The following ASB12 variants were observed in gnomAD, a reference collection of about 807,000 sequenced individuals.
ASB12 encodes ankyrin repeat and SOCS box protein 12.
Under a neutral mutation model 13.7 loss-of-function variants are expected in ASB12, and 17 were observed. That is an observed-to-expected ratio of 1.24 (90% CI 0.85 to 1.86). The LOEUF (loss-of-function observed/expected upper bound fraction) is 1.86. ASB12 is among the 40% of genes most tolerant of loss of function. The pLI is 0.00. For synonymous variants in ASB12, 107 were observed against 99.8 expected, an observed-to-expected ratio of 1.07 and a Z score of -0.43; for missense variants, 329 against 250.5, an observed-to-expected ratio of 1.31 and a Z score of -2.11.
In ASB12 at chrX:64,225,335, C is replaced by T. The variant is rs1209487235; in HGVS notation, c.316G>A (p.Ala106Thr). The change falls in exon 2 of 3, where the codon GCA (alanine) becomes ACA (threonine). Residue 106 changes from alanine (A) to threonine (T), a missense_variant. Coordinates refer to ENST00000362002, the MANE Select transcript of ASB12 (RefSeq NM_130388.4). ...ACAGCAGTGAAAAGTGGCGTCTGTG[C>T]CTTGACATCCAAGCTGTCAACATCA... ...GADVDSLDVK[A>T]QTPLFTAVSH... is the part of the protein sequence containing the mutation. 1.7e-6 allele frequency: 2 copies of T among 1,208,795 alleles called. No homozygotes were observed. Among genetic ancestry groups the T allele is most frequent in the East Asian group, 3.0e-5 (1 of 33,731 alleles).
intron 1 of ASB12, 138 bp from the exon 2 acceptor site, chrX:64,225,812 G>A: frequency 1.2e-6 from 1 of 804,276 alleles, no homozygotes; most frequent in Non-Finnish European, 1.7e-6. Flanking sequence ...CAATCCCACT[G>A]TCTTATTTCA....
At chrX:64,227,906 C>T (rs1417806505) in intron 1 of ASB12, among the ~76,000 whole-genome samples, 2 of 112,455 alleles carry the variant, frequency 1.8e-5, no homozygotes, top group African/African-American at 6.5e-5. Flanking sequence ...CTACTAAAGA[C>T]TTCTCCAGAC....
rs138336167 is a variant in ASB12, at chrX:64,227,366, C to T, written c.-24-1692G>A. Among the ~76,000 whole-genome samples, 154 of 111,829 alleles carry T rather than the reference C, an allele frequency of 1.4e-3. 3 individuals are homozygous for T. The East Asian group carries it at 0.036, about 26-fold the overall frequency. ...ACTTCACCACCTTCCATTCACTTGT[C>T]CATTCTCTGCAGTCTGGCTTCACCC... is the stretch of plus-strand genomic sequence containing the variant. On this transcript the variant is annotated intron_variant, in intron 1 of 2. Transcript: ENST00000362002.
chrX:64,228,567 G>A (rs753680438), intron 1 of ASB12, among the ~76,000 whole-genome samples: 1 of 111,533 alleles, frequency 9.0e-6, no homozygotes, highest in South Asian at 3.8e-4. Flanking sequence ...GGGTTCTTAG[G>A]ATTAAATGAG....
intron 1 of ASB12, among the ~76,000 whole-genome samples, chrX:64,227,021 G>A (rs1056500638): frequency 1.8e-5 from 2 of 110,951 alleles, no homozygotes; most frequent in Non-Finnish European, 3.8e-5. Context: ...GGGGTGCAAT[G>A]GGAAGGACAG....
At chrX:64,229,047 G>T (rs1279536172) in intron 1 of ASB12, among the ~76,000 whole-genome samples, 1 of 111,238 alleles carries the variant, frequency 9.0e-6, no homozygotes, top group Non-Finnish European at 1.9e-5. Flanking sequence ...ATTACAAGAT[G>T]AAACACAAAC....
intron 1 of ASB12, among the ~76,000 whole-genome samples, chrX:64,228,238 C>T (rs1186643721): frequency 8.9e-6 from 1 of 112,202 alleles, no homozygotes; most frequent in African/African-American, 3.2e-5. Flanking sequence ...GGTCCAGTGA[C>T]AAGAGACAAA....
rs142045870 is a variant in ASB12 at position 64,224,830 on chromosome X, C to T, written c.821G>A (p.Arg274Gln). The T allele has an allele frequency of 3.4e-6, 4 of 1,177,729 alleles. No homozygotes were observed. Among genetic ancestry groups the T allele is most frequent in the Admixed American group, 2.3e-5 (1 of 43,878 alleles). ...AGGCTGGCCTGTTCACCACTCACCT[C>T]GGGCCTGTAGCAGCAATGCAATGCC... ...DKGIALLLQA[R>Q]ATPRSLLSQV... The change falls in exon 2 of 3, where the codon CGA becomes CAA. Residue 274 changes from arginine to glutamine, a missense_variant and splice_region_variant. Transcript: ENST00000362002.
intron 1 of ASB12, among the ~76,000 whole-genome samples, chrX:64,228,108 G>T: frequency 8.9e-6 from 1 of 111,891 alleles, no homozygotes; most frequent in East Asian, 2.8e-4. Flanking sequence ...TACCTTAATG[G>T]CTCCCCTTTC....
chrX:64,226,225 A>G (rs1157918061), intron 1 of ASB12, among the ~76,000 whole-genome samples: 1 of 112,323 alleles, frequency 8.9e-6, no homozygotes, highest in African/African-American at 3.2e-5. Flanking sequence ...GAGCTTGCTG[A>G]CATCAATCTT....
intron 1 of ASB12, among the ~76,000 whole-genome samples, chrX:64,229,976 C>A (rs1336796216): frequency 9.0e-6 from 1 of 111,599 alleles, no homozygotes; most frequent in Non-Finnish European, 1.9e-5. Context: ...TCTGTCAATC[C>A]AGGTTAAGTA....
Position 64,224,435 on chromosome X carries a change from A to C in ASB12, c.857T>G (p.Leu286Ter). 8.3e-7 allele frequency: 1 copy of C among 1,210,917 alleles called. No homozygotes were observed. The highest frequency in any genetic ancestry group is 1.1e-6 in the Non-Finnish European group (1 of 894,859). Residue 286 changes from leucine to a stop codon, truncating the protein, a stop_gained, in exon 3 of 3, where the codon TTA (leucine) becomes TGA (stop). Transcript: ENST00000362002. LOFTEE classifies it high-confidence loss of function. ...TPRSLLSQVR[L>*]VVRRALCQAG... ...CTGGCACAAGGCTCTGCGGACGACTAAACGGACCTGTGATAGAAGTGACCG... is the reference window on the plus strand; with the variant it reads ...CTGGCACAAGGCTCTGCGGACGACTCAACGGACCTGTGATAGAAGTGACCG...
Position 64,224,831 on chromosome X carries a change from G to A in ASB12, c.820C>T (p.Arg274Ter), listed in dbSNP as rs982959648. Residue 274 changes from arginine (R) to a stop codon, truncating the protein, a stop_gained, in exon 2 of 3, where the codon CGA becomes TGA. Coordinates refer to ENST00000362002, the MANE Select transcript of ASB12 (RefSeq NM_130388.4). LOFTEE classifies it high-confidence loss of function. ...GGCTGGCCTGTTCACCACTCACCTC[G>A]GGCCTGTAGCAGCAATGCAATGCCT... ...DKGIALLLQARATPRSLLSQV... is the reference protein window; with the variant it reads ...DKGIALLLQA 12 of 1,178,064 alleles carry A rather than the reference G, an allele frequency of 1.0e-5. No homozygotes were observed. Among genetic ancestry groups the A allele is most frequent in the East Asian group, 6.0e-5 (2 of 33,457 alleles).
At chrX:64,226,072 A>G (rs1930945702) in intron 1 of ASB12, among the ~76,000 whole-genome samples, 1 of 112,449 alleles carries the variant, frequency 8.9e-6, no homozygotes, top group African/African-American at 3.2e-5. Flanking sequence ...GTATTCCTCT[A>G]TCCCTAGTAG....
In ASB12 at chrX:64,225,746, TCTCC is replaced by T. The variant is rs770823742; in HGVS notation, c.-24-76_-24-73del. 9 of 1,036,617 alleles carry T rather than the reference TCTCC, an allele frequency of 8.7e-6. No individual in the cohort carries two copies. The Admixed American group carries it at 2.5e-4, about 29-fold the overall frequency. The allele number at this position is 1,036,617 out of a possible 1,213,427, so 85.4% of individuals were successfully genotyped here. A position where few individuals can be genotyped will look rare whatever the true frequency, so the allele number is the denominator to read the frequency against. On this transcript the variant is annotated intron_variant, in intron 1 of 2. Transcript: ENST00000362002. Reference sequence around the variant, plus strand: ...GCCTGACCATGCACGCTCCTTGAAATCTCCCTCCATTTCACCATCAGGCTACTCA... The same window carrying T: ...GCCTGACCATGCACGCTCCTTGAAATCTCCATTTCACCATCAGGCTACTCA...
chrX:64,227,793 C>T (rs1316211453), intron 1 of ASB12, among the ~76,000 whole-genome samples: 2 of 111,825 alleles, frequency 1.8e-5, no homozygotes, highest in East Asian at 2.8e-4. Flanking sequence ...ATCATTTCCT[C>T]ACCATCTACC....
In ASB12 at chrX:64,225,251, C is replaced by A; in HGVS notation, c.400G>T (p.Gly134Cys). The A allele has an allele frequency of 8.3e-7, 1 of 1,211,312 alleles. No homozygotes were observed. The highest frequency in any genetic ancestry group is 1.8e-5 in the South Asian group (1 of 56,847). The change falls in exon 2 of 3, where the codon GGT becomes TGT. Residue 134 changes from glycine (G) to cysteine (C), a missense_variant. Coordinates refer to ENST00000362002, the MANE Select transcript of ASB12 (RefSeq NM_130388.4). ...GGAGAACAGTTGTTGTAGATGCTAC[C>A]ACCAGGAGAGGCACCAGCTTCCAAA... ...VLLEAGASPGGSIYNNCSPVL... is the reference protein window; with the variant it reads ...VLLEAGASPGCSIYNNCSPVL...
Position 64,225,675 on chromosome X carries a change from C to G in ASB12, c.-24-1G>C. On this transcript the variant is annotated splice_acceptor_variant, in intron 1 of 2. Coordinates refer to ENST00000362002, the MANE Select transcript of ASB12 (RefSeq NM_130388.4). LOFTEE classifies it low-confidence loss of function (5UTR_SPLICE). ...TTATGAGCACAAGGAAATGCCAGAT[C>G]TGTGGGTGACAAACAAGTGGGAGAG... 8.6e-7 allele frequency: 1 copy of G among 1,162,043 alleles called. No homozygotes were observed. Among genetic ancestry groups the G allele is most frequent in the Non-Finnish European group, 1.1e-6 (1 of 870,769 alleles).
rs781024295 is a variant in ASB12 at position 64,225,538 on chromosome X, G to C, written c.113C>G (p.Ala38Gly). Residue 38 changes from alanine to glycine, a missense_variant, in exon 2 of 3, where the codon GCT (alanine) becomes GGT (glycine). By Grantham distance (60) the Ala-to-Gly change is moderately conservative. Transcript: ENST00000362002. ...EEDTDTEEKQALNQAVYDNDS... is the reference protein window; with the variant it reads ...EEDTDTEEKQGLNQAVYDNDS... ...GTTGTCATACACTGCTTGATTGAGA[G>C]CCTGCTTCTCCTCTGTGTCAGTGTC... 1 of 1,209,279 alleles carries C rather than the reference G, an allele frequency of 8.3e-7. No individual in the cohort carries two copies. The highest frequency in any genetic ancestry group is 1.7e-5 in the African/African-American group (1 of 57,797).
Sources: allele counts gnomAD v4.1 joint callset (sites outside exome capture counted in the v4.1 genomes callset), GRCh38; gene constraint gnomAD v4.1.1; transcripts MANE v1.5; gene names NCBI Gene and HGNC (gene_info 2026-07-23, HGNC 2026-07-21).